Variants in RGS20 observed in about 807,000 individuals in gnomAD.
RGS20 encodes the protein gz-selective GTPase-activating protein.
RGS20 carries 30 observed loss-of-function variants against 33.6 expected under a neutral mutation model. That is an observed-to-expected ratio of 0.89 (90% CI 0.67 to 1.21). RGS20 has a LOEUF of 1.21. RGS20 is among the 50% of genes most tolerant of loss of function. RGS20 has a pLI of 0.00. For synonymous variants in RGS20, 208 were observed against 197.9 expected (o/e 1.05, Z -0.43); for missense variants, 472 against 502.4 (o/e 0.94, Z 0.58).
At chr8:53,894,383 A>C (rs977260957) in intron 2 of RGS20, among the ~76,000 whole-genome samples, 1 of 152,232 alleles carries the variant, frequency 6.6e-6, no homozygotes, top group Non-Finnish European at 1.5e-5. Flanking sequence ...TAAAACCTCG[A>C]GGAGCAGAGA....
intron 2 of RGS20, among the ~76,000 whole-genome samples, chr8:53,924,982 T>G (rs918642419): frequency 1.3e-5 from 2 of 152,146 alleles, no homozygotes; most frequent in Non-Finnish European, 2.9e-5. Flanking sequence ...TGACTGTAGC[T>G]CCAACTCCAC....
At chr8:53,852,121 G>A (rs954707221) in intron 1 of RGS20, 4 of 1,477,924 alleles carry the variant, frequency 2.7e-6, no homozygotes, top group African/African-American at 1.4e-5. Context: ...TGTTTACCCA[G>A]AAAGAATATA....
intron 1 of RGS20, among the ~76,000 whole-genome samples, chr8:53,874,367 G>GGTGT (rs138636662): frequency 0.054 from 7,851 of 146,512 alleles, 362 homozygotes; most frequent in African/African-American, 0.13. Flanking sequence ...AGCAATAAGG[G>GGTGT]GTGTGTGTGT....
In RGS20 at chr8:53,881,094, C is replaced by G; in HGVS notation, c.510+1492C>G. The G allele has an allele frequency of 6.6e-7, 1 of 1,523,616 alleles. No individual in the cohort carries two copies. Among genetic ancestry groups the G allele is most frequent in the South Asian group, 1.2e-5 (1 of 81,122 alleles). The allele number at this position is 1,523,616 out of a possible 1,614,324, so 94.4% of individuals were successfully genotyped here. A position where few individuals can be genotyped will look rare whatever the true frequency, so the allele number is the denominator to read the frequency against. On this transcript the variant is annotated intron_variant, in intron 2 of 5. Transcript: ENST00000297313. ...GGTGGACGGTGGGCTCGTGAGTATCCCAGTTCCTCGAACTCTCTTTCTTCG... is the reference window on the plus strand; with the variant it reads ...GGTGGACGGTGGGCTCGTGAGTATCGCAGTTCCTCGAACTCTCTTTCTTCG...
At chr8:53,878,224 TAC>T (rs1290776951) in intron 1 of RGS20, among the ~76,000 whole-genome samples, 2 of 152,334 alleles carry the variant, frequency 1.3e-5, no homozygotes. Context: ...GGTTTGTAAC[TAC>T]ACTAAACGTT....
intron 1 of RGS20, among the ~76,000 whole-genome samples, chr8:53,878,123 T>G (rs1812249235): frequency 6.6e-6 from 1 of 152,228 alleles, no homozygotes; most frequent in African/African-American, 2.4e-5. Context: ...CTTCATTTTT[T>G]TTGGCAACCA....
At chr8:53,909,356 C>T (rs1284795684) in intron 2 of RGS20, among the ~76,000 whole-genome samples, 1 of 150,324 alleles carries the variant, frequency 6.7e-6, no homozygotes, top group African/African-American at 2.4e-5. Flanking sequence ...CTCCAGCAAT[C>T]CTCCAGCCTC....
chr8:53,923,612 CAGAGACTTTA>C (rs1813710685), intron 2 of RGS20, among the ~76,000 whole-genome samples: 1 of 151,862 alleles, frequency 6.6e-6, no homozygotes, highest in Middle Eastern at 3.2e-3. Context: ...AAAAAATTTC[CAGAGACTTTA>C]AATGATTGTT....
chr8:53,857,719 A>T (rs1366641490), intron 1 of RGS20, among the ~76,000 whole-genome samples: 2 of 152,264 alleles, frequency 1.3e-5, no homozygotes, highest in Admixed American at 6.5e-5. Flanking sequence ...GGAGCATTTC[A>T]GATTTGGATT....
intron 2 of RGS20, among the ~76,000 whole-genome samples, chr8:53,895,704 G>A (rs1484112297): frequency 1.3e-5 from 2 of 151,130 alleles, no homozygotes; most frequent in African/African-American, 4.9e-5. Flanking sequence ...GAGTGCAGTG[G>A]CGGGATCTCG....
At chr8:53,856,460 C>G (rs1372827605) in intron 1 of RGS20, among the ~76,000 whole-genome samples, 1 of 152,116 alleles carries the variant, frequency 6.6e-6, no homozygotes, top group East Asian at 1.9e-4. Context: ...CTCATGTGAT[C>G]CACCTGCCTT....
At chr8:53,882,643 C>CAA (rs34390232) in intron 2 of RGS20, among the ~76,000 whole-genome samples, 1,193 of 103,384 alleles carry the variant, frequency 0.012, 19 homozygotes, top group African/African-American at 0.03. Context: ...GACTCCGTCT[C>CAA]AAAAAAAAAA....
intron 1 of RGS20, among the ~76,000 whole-genome samples, chr8:53,862,390 T>G (rs181281315): frequency 6.6e-6 from 1 of 152,122 alleles, no homozygotes; most frequent in East Asian, 1.9e-4. Context: ...AGACTTGGGG[T>G]TCAGGGCTAC....
intron 2 of RGS20, among the ~76,000 whole-genome samples, chr8:53,911,525 G>A (rs1295346755): frequency 6.7e-6 from 1 of 149,632 alleles, no homozygotes; most frequent in Admixed American, 6.6e-5. Context: ...TCTTAGGTAA[G>A]ATAGATACTT....
chr8:53,906,943 A>G (rs963734293), intron 2 of RGS20, among the ~76,000 whole-genome samples: 1 of 152,214 alleles, frequency 6.6e-6, no homozygotes, highest in Admixed American at 6.5e-5. Flanking sequence ...GTTTGTGTCC[A>G]TCTGCTATAG....
chr8:53,936,182 C>A (rs1261651927), intron 2 of RGS20, among the ~76,000 whole-genome samples: 1 of 152,158 alleles, frequency 6.6e-6, no homozygotes. Context: ...CCTTTGAAAA[C>A]TGGCACAAGA....
chr8:53,862,150 T>A (rs1220592994), intron 1 of RGS20, among the ~76,000 whole-genome samples: 1 of 152,152 alleles, frequency 6.6e-6, no homozygotes, highest in Non-Finnish European at 1.5e-5. Context: ...CCCCTCACCT[T>A]GGACTCTTCG....
intron 2 of RGS20, chr8:53,914,927 CT>C (rs1276764365): frequency 2.0e-5 from 3 of 152,196 alleles, no homozygotes; most frequent in Non-Finnish European, 4.4e-5. Context: ...GGTGGATCAC[CT>C]GAGGTCAGGA....
chr8:53,895,226 G>A (rs1294203164), intron 2 of RGS20, among the ~76,000 whole-genome samples: 1 of 152,142 alleles, frequency 6.6e-6, no homozygotes, highest in African/African-American at 2.4e-5. Flanking sequence ...TGTGGCCATG[G>A]AGAAGACAGG....
Sources: gnomAD v4.1 joint callset for allele counts (sites outside exome capture counted in the v4.1 genomes callset) on GRCh38, gnomAD v4.1.1 for gene constraint, MANE v1.5 for transcripts, NCBI Gene and HGNC (gene_info 2026-07-23, HGNC 2026-07-21) for gene names.